Variants in BACH2 observed in about 807,000 individuals in gnomAD.
The protein encoded by BACH2 is transcription regulator protein BACH2.
BACH2 carries 5 observed loss-of-function variants against 61.8 expected under a neutral mutation model. The observed-to-expected ratio is 0.08, with a 90% CI of 0.04 to 0.17. The LOEUF is 0.17. BACH2 is among the 10% of genes least tolerant of loss of function. The probability of loss-of-function intolerance (pLI) is 1.00; values close to 1 mark genes in which losing one functional copy is unlikely to be tolerated. For synonymous variants in BACH2, 446 were observed against 440.1 expected, an observed-to-expected ratio of 1.01 and a Z score of -0.17; for missense variants, 824 against 1,091.1, an observed-to-expected ratio of 0.76 and a Z score of 3.45.
intron 6 of BACH2, among the ~76,000 whole-genome samples, chr6:89,953,653 G>T (rs1289988871): frequency 1.3e-5 from 2 of 152,134 alleles, no homozygotes; most frequent in Non-Finnish European, 2.9e-5. Context: ...CTAACCTGGG[G>T]TCTCTCACAT....
intron 5 of BACH2, among the ~76,000 whole-genome samples, chr6:90,038,960 A>G (rs1779394960): frequency 6.6e-6 from 1 of 151,910 alleles, no homozygotes; most frequent in African/African-American, 2.4e-5. Context: ...GAATCACTTG[A>G]ACCCAGGAGG....
intron 4 of BACH2, among the ~76,000 whole-genome samples, chr6:90,153,974 T>C (rs1453515237): frequency 1.3e-5 from 2 of 152,234 alleles, no homozygotes; most frequent in East Asian, 1.9e-4. Flanking sequence ...GGCTTGGTTA[T>C]AGATCTATTT....
chr6:90,285,610 T>G (rs1410049580), intron 1 of BACH2, among the ~76,000 whole-genome samples: 1 of 152,108 alleles, frequency 6.6e-6, no homozygotes, highest in African/African-American at 2.4e-5. Flanking sequence ...CCTACAAAGG[T>G]AGAAATTTGT....
chr6:90,252,061 T>C (rs561966837), intron 3 of BACH2, among the ~76,000 whole-genome samples: 9 of 152,326 alleles, frequency 5.9e-5, no homozygotes, highest in African/African-American at 2.2e-4. Context: ...CTTTCAACCA[T>C]GGTCTGAGCA....
Position 90,033,361 on chromosome 6 carries a change from A to T in BACH2, c.-12-24505T>A, listed in dbSNP as rs542871708. Among the ~76,000 whole-genome samples the T allele has an allele frequency of 2.0e-5, 3 of 152,060 alleles. No individual in the cohort carries two copies. The East Asian group carries it at 5.8e-4, about 29-fold the overall frequency. On this transcript the variant is annotated intron_variant, in intron 5 of 8. Transcript: ENST00000257749. ...ACCCTGAAACTTAAATAAAAAAAAA[A>T]AAAAAAAAAGAAAATCAGACCAGCA...
chr6:90,165,152 T>C (rs572286961), intron 4 of BACH2, among the ~76,000 whole-genome samples: 1,929 of 152,326 alleles, frequency 0.013, 48 homozygotes, highest in African/African-American at 0.044. Context: ...CATGATTGTA[T>C]ATCTAGAAAA....
intron 4 of BACH2, among the ~76,000 whole-genome samples, chr6:90,100,686 T>TACACACACACACACAGACAC (rs1233668560): frequency 2.2e-4 from 12 of 54,474 alleles, no homozygotes; most frequent in African/African-American, 7.3e-4. Context: ...TCTCTCTCTC[T>TACACACACACACACAGACAC]ACACACACAC....
intron 5 of BACH2, among the ~76,000 whole-genome samples, chr6:90,037,820 T>C (rs1779334488): frequency 6.6e-6 from 1 of 152,214 alleles, no homozygotes; most frequent in Non-Finnish European, 1.5e-5. Flanking sequence ...GGTAGGCCTC[T>C]CATCCAATAT....
intron 4 of BACH2, among the ~76,000 whole-genome samples, chr6:90,156,550 T>C (rs765116343): frequency 1.6e-4 from 24 of 152,166 alleles, no homozygotes; most frequent in Non-Finnish European, 1.9e-4. Context: ...GATTGTCTAG[T>C]TTTCATTGCC....
chr6:90,118,746 G>A (rs1164758388), intron 4 of BACH2, among the ~76,000 whole-genome samples: 2 of 152,162 alleles, frequency 1.3e-5, no homozygotes, highest in Admixed American at 1.3e-4. Flanking sequence ...TGTCAAAGTG[G>A]AATAAACAAA....
At chr6:90,089,660 A>C (rs1193070837) in intron 4 of BACH2, among the ~76,000 whole-genome samples, 2 of 152,168 alleles carry the variant, frequency 1.3e-5, no homozygotes, top group Admixed American at 6.5e-5. Flanking sequence ...CAGAAAAATA[A>C]AGAAAAAAAT....
intron 1 of BACH2, among the ~76,000 whole-genome samples, chr6:90,281,681 T>C (rs1323425494): frequency 6.6e-6 from 1 of 152,246 alleles, no homozygotes; most frequent in Non-Finnish European, 1.5e-5. Context: ...TATTCTTCTA[T>C]CTTGCTTCTT....
At chr6:90,220,419 T>C (rs1266266233) in intron 3 of BACH2, among the ~76,000 whole-genome samples, 1 of 152,210 alleles carries the variant, frequency 6.6e-6, no homozygotes, top group Non-Finnish European at 1.5e-5. Context: ...AAAAAGTGAC[T>C]AACCAGAATG....
intron 5 of BACH2, among the ~76,000 whole-genome samples, chr6:90,081,665 C>T (rs1346576959): frequency 6.6e-6 from 1 of 152,092 alleles, no homozygotes; most frequent in Admixed American, 6.5e-5. Flanking sequence ...GATGATAAAA[C>T]CTAGATATAA....
intron 5 of BACH2, among the ~76,000 whole-genome samples, chr6:90,077,972 T>C (rs968025308): frequency 3.3e-5 from 5 of 152,126 alleles, no homozygotes; most frequent in Admixed American, 6.5e-5. Flanking sequence ...ATGCAAAACT[T>C]TGGTGGGTGG....
At chr6:90,047,321 T>C (rs1042414407) in intron 5 of BACH2, among the ~76,000 whole-genome samples, 4 of 152,198 alleles carry the variant, frequency 2.6e-5, no homozygotes, top group African/African-American at 9.6e-5. Flanking sequence ...GTAACTGTTC[T>C]GTGCTGTACA....
At chr6:90,153,936 A>G (rs532279801) in intron 4 of BACH2, among the ~76,000 whole-genome samples, 23 of 152,244 alleles carry the variant, frequency 1.5e-4, no homozygotes, top group Non-Finnish European at 3.1e-4. Flanking sequence ...TCATATTATG[A>G]GAAAATTCAC....
At chr6:90,265,647 C>A (rs1771300427) in intron 2 of BACH2, among the ~76,000 whole-genome samples, 1 of 152,158 alleles carries the variant, frequency 6.6e-6, no homozygotes, top group Non-Finnish European at 1.5e-5. Context: ...GGCTTGTAAT[C>A]AATTGGATGG....
rs114759628 is a variant in BACH2, at chr6:90,187,699, A to G, written c.-162+18870T>C. The stretch of plus-strand genomic sequence containing the variant: ...AATCTGAGAACCAGAATTTCCCAGA[A>G]GAGCAGAGGATTAGGATCAGATTAT... On this transcript the variant is annotated intron_variant, in intron 4 of 8. Coordinates refer to ENST00000257749, the MANE Select transcript of BACH2 (RefSeq NM_021813.4). Among the ~76,000 whole-genome samples the G allele has an allele frequency of 6.9e-3, 1,058 of 152,386 alleles. 13 individuals are homozygous for G. The highest frequency in any genetic ancestry group is 0.023 in the African/African-American group (943 of 41,586).
Sources: gnomAD v4.1 joint callset for allele counts (sites outside exome capture counted in the v4.1 genomes callset) on GRCh38, gnomAD v4.1.1 for gene constraint, MANE v1.5 for transcripts, NCBI Gene and HGNC (gene_info 2026-07-23, HGNC 2026-07-21) for gene names.